The following STOX2 variants were observed in gnomAD, a reference collection of about 807,000 sequenced individuals.
The protein encoded by STOX2 is storkhead box 2.
In STOX2, 28 loss-of-function variants were observed where a neutral mutation model predicts 60.9. The ratio of observed to expected loss-of-function variants is 0.46; its 90% CI spans 0.34 to 0.63. The LOEUF is 0.63. Among genes scored for constraint, STOX2 ranks in the 30% least tolerant of loss-of-function variants. STOX2 has a pLI of 0.01. For missense variants in STOX2, 1,024 were observed against 1,187.7 expected (o/e 0.86, Z 2.03); for synonymous variants, 472 against 463.9 (o/e 1.02, Z -0.22).
chr4:183,985,231 A>G (rs1732795565), intron 1 of STOX2, among the ~76,000 whole-genome samples: 1 of 152,178 alleles, frequency 6.6e-6, no homozygotes, highest in Non-Finnish European at 1.5e-5. Flanking sequence ...ATAGGTTTTG[A>G]CATTTTTTTG....
intron 1 of STOX2, among the ~76,000 whole-genome samples, chr4:183,891,781 A>T (rs575469779): frequency 2.1e-4 from 32 of 152,246 alleles, no homozygotes; most frequent in African/African-American, 6.0e-4. Context: ...CATCATTTTT[A>T]AAAAAATCAA....
At chr4:183,801,804 A>C (rs1738770214) in intron 1 of STOX2, among the ~76,000 whole-genome samples, 1 of 151,674 alleles carries the variant, frequency 6.6e-6, no homozygotes, top group African/African-American at 2.4e-5. Context: ...AAGCCACTGG[A>C]GGCTTCTAAG....
At chr4:183,983,591 G>A (rs115628713) in intron 1 of STOX2, among the ~76,000 whole-genome samples, 2,089 of 152,260 alleles carry the variant, frequency 0.014, 36 homozygotes, top group African/African-American at 0.042. Context: ...GGGAAGCCGC[G>A]TCTGACCATA....
chr4:183,984,745 C>T (rs1333124351), intron 1 of STOX2, among the ~76,000 whole-genome samples: 1 of 152,222 alleles, frequency 6.6e-6, no homozygotes, highest in East Asian at 1.9e-4. Flanking sequence ...CAAGCACAGC[C>T]TCTGCCCACA....
At chr4:184,006,685 CAAAAAA>C (rs1199363509) in intron 2 of STOX2, among the ~76,000 whole-genome samples, 5 of 76,540 alleles carry the variant, frequency 6.5e-5, no homozygotes, top group Non-Finnish European at 9.3e-5. Flanking sequence ...GACCCTGTCT[CAAAAAA>C]AAAAAAAAAA....
upstream of STOX2, among the ~76,000 whole-genome samples, chr4:183,903,105 TA>T (rs1362128571): frequency 6.6e-6 from 1 of 152,252 alleles, no homozygotes; most frequent in Non-Finnish European, 1.5e-5. Context: ...AAAGAAATTC[TA>T]AAAATATCAT....
chr4:183,947,277 T>C (rs1400965334), intron 1 of STOX2, among the ~76,000 whole-genome samples: 2 of 152,210 alleles, frequency 1.3e-5, no homozygotes, highest in East Asian at 3.8e-4. Flanking sequence ...TTTTGCTTAA[T>C]CGTTAGTTTT....
At chr4:183,930,296 G>A (rs1475609768) in intron 1 of STOX2, among the ~76,000 whole-genome samples, 1 of 151,888 alleles carries the variant, frequency 6.6e-6, no homozygotes, top group Admixed American at 6.6e-5. Flanking sequence ...CTCCAGAGTA[G>A]CTGGGACTAC....
chr4:183,935,820 G>C (rs1021230013), intron 1 of STOX2, among the ~76,000 whole-genome samples: 6 of 152,320 alleles, frequency 3.9e-5, no homozygotes, highest in South Asian at 2.1e-4. Flanking sequence ...TTCTCATGCA[G>C]AGATTTCTAG....
intron 1 of STOX2, among the ~76,000 whole-genome samples, chr4:183,870,157 A>T (rs1001232123): frequency 6.6e-6 from 1 of 152,198 alleles, no homozygotes; most frequent in Non-Finnish European, 1.5e-5. Flanking sequence ...AGTATCTCCA[A>T]ACTGTTATGT....
At chr4:183,961,871 G>A (rs191486128) in intron 1 of STOX2, among the ~76,000 whole-genome samples, 1 of 152,382 alleles carries the variant, frequency 6.6e-6, no homozygotes, top group East Asian at 1.9e-4. Context: ...CTTTTACCAA[G>A]ATGTTGATTC....
At position 184,011,096 on chromosome 4, in the gene STOX2, C is replaced by A. The variant is rs1460933129; in HGVS notation, c.2258C>A (p.Ala753Asp). The change falls in exon 3 of 4, where the codon GCC becomes GAC. Residue 753 changes from alanine (A) to aspartate (D), a missense_variant. Coordinates refer to ENST00000308497, the MANE Select transcript of STOX2 (RefSeq NM_020225.3). This position sits in a 1 kb window ranked among gnomAD's most constrained non-coding sequence, Gnocchi z 4.4. ...TCCCTGGGGACCTCGGCGGCACAAG[C>A]CATGCCTGCTTCCCAGCGTCAGCAG... ...EPSLGTSAAQ[A>D]MPASQRQQES... 1 of 1,594,856 alleles carries A rather than the reference C, an allele frequency of 6.3e-7. No homozygotes were observed. The highest frequency in any genetic ancestry group is 2.2e-5 in the East Asian group (1 of 44,622).
At chr4:183,862,798 A>T (rs1319779992) in intron 1 of STOX2, among the ~76,000 whole-genome samples, 1 of 152,060 alleles carries the variant, frequency 6.6e-6, no homozygotes, top group African/African-American at 2.4e-5. Flanking sequence ...GCGCCCCACC[A>T]CCTCTCTCTA....
chr4:183,819,874 G>C (rs1324482389), intron 1 of STOX2, among the ~76,000 whole-genome samples: 1 of 152,208 alleles, frequency 6.6e-6, no homozygotes, highest in African/African-American at 2.4e-5. Flanking sequence ...CTTTGGAGGA[G>C]AAGGTGGTGA....
chr4:183,852,229 G>C (rs1579335171), intron 1 of STOX2, among the ~76,000 whole-genome samples: 1 of 144,358 alleles, frequency 6.9e-6, no homozygotes, highest in East Asian at 2.2e-4. Context: ...ATGAGGGAAA[G>C]GATGAGGGAA....
Position 183,861,447 on chromosome 4 carries a change from C to G in STOX2, c.364+63392C>G, listed in dbSNP as rs546532968. On this transcript the variant is annotated intron_variant, in intron 1 of 2. Transcript: ENST00000513034. ...GGGAGAACCGGGGAGCTTTCAGCCT[C>G]TCAGCCTGCGAGAGCCTCTAGGGAG... is the stretch of plus-strand genomic sequence containing the variant. Among the ~76,000 whole-genome samples, 7 of 152,348 alleles carry G rather than the reference C, an allele frequency of 4.6e-5. No individual in the cohort carries two copies. In the South Asian group the frequency reaches 1.2e-3, roughly 27 times the overall value.
At chr4:183,911,430 C>T (rs1363890672) in intron 1 of STOX2, among the ~76,000 whole-genome samples, 1 of 152,138 alleles carries the variant, frequency 6.6e-6, no homozygotes, top group Non-Finnish European at 1.5e-5. Context: ...CTAGCCGCTC[C>T]AACTGTGTTT....
intron 1 of STOX2, among the ~76,000 whole-genome samples, chr4:183,867,445 G>C (rs560975562): frequency 6.6e-6 from 1 of 152,318 alleles, no homozygotes; most frequent in South Asian, 2.1e-4. Flanking sequence ...TCCTGGACAG[G>C]GCTGCTGAGG....
intron 1 of STOX2, among the ~76,000 whole-genome samples, chr4:183,929,283 T>C (rs993166734): frequency 6.6e-6 from 1 of 152,234 alleles, no homozygotes; most frequent in African/African-American, 2.4e-5. Flanking sequence ...ACAGCTATCA[T>C]TAAATCAGAT....
Sources: allele counts gnomAD v4.1 joint callset (sites outside exome capture counted in the v4.1 genomes callset), GRCh38; gene constraint gnomAD v4.1.1; non-coding constraint Gnocchi (gnomAD v3.1); transcripts MANE v1.5; gene names NCBI Gene and HGNC (gene_info 2026-07-23, HGNC 2026-07-21).